The following PIBF1 variants were observed in gnomAD, a reference collection of about 807,000 sequenced individuals.
PIBF1 encodes the protein progesterone immunomodulatory binding factor 1.
PIBF1 carries 90 observed loss-of-function variants against 112.5 expected under a neutral mutation model. That is an observed-to-expected ratio of 0.80 (90% CI 0.67 to 0.95). The LOEUF is 0.95. Ranked by LOEUF, PIBF1 falls within the 40% of genes least tolerant of loss-of-function variation. The pLI is 0.00. For missense variants in PIBF1, 915 were observed against 852.3 expected, an observed-to-expected ratio of 1.07 and a Z score of -0.92; for synonymous variants, 301 against 288.6, an observed-to-expected ratio of 1.04 and a Z score of -0.44.
intron 16 of PIBF1, among the ~76,000 whole-genome samples, chr13:72,995,685 C>T (rs1443200511): frequency 6.6e-6 from 1 of 152,230 alleles, no homozygotes; most frequent in East Asian, 1.9e-4. Context: ...GGCACAGTGA[C>T]TCACGCCTGT....
intron 13 of PIBF1, among the ~76,000 whole-genome samples, chr13:72,930,839 C>G (rs933922235): frequency 2.0e-5 from 3 of 152,158 alleles, no homozygotes; most frequent in African/African-American, 7.2e-5. Context: ...AAAGTGGAGA[C>G]AAGCTGTAAA....
intron 5 of PIBF1, among the ~76,000 whole-genome samples, chr13:72,819,439 T>C (rs573442049): frequency 6.6e-6 from 1 of 152,240 alleles, no homozygotes; most frequent in South Asian, 2.1e-4. Context: ...ATTTGAATAT[T>C]GTCAAGCTTG....
At chr13:72,961,446 CAT>C (rs1383737553) in intron 14 of PIBF1, among the ~76,000 whole-genome samples, 1 of 152,006 alleles carries the variant, frequency 6.6e-6, no homozygotes, top group African/African-American at 2.4e-5. Context: ...ATCTCATGAA[CAT>C]AATTCATTTG....
At chr13:72,930,293 T>C (rs1036083364) in intron 13 of PIBF1, among the ~76,000 whole-genome samples, 9 of 152,204 alleles carry the variant, frequency 5.9e-5, no homozygotes, top group African/African-American at 2.2e-4. Flanking sequence ...TTATAAAACA[T>C]TCCATCTAGG....
At chr13:72,816,253 A>G (rs571606363) in intron 5 of PIBF1, among the ~76,000 whole-genome samples, 1 of 152,310 alleles carries the variant, frequency 6.6e-6, no homozygotes, top group African/African-American at 2.4e-5. Flanking sequence ...AGAAAAGTTG[A>G]CTTGCTAGAG....
chr13:72,805,384 C>T (rs906636642), intron 5 of PIBF1, among the ~76,000 whole-genome samples: 23 of 152,130 alleles, frequency 1.5e-4, no homozygotes, highest in East Asian at 1.9e-4. Flanking sequence ...CCTCGTCATC[C>T]GCCCGCCTTG....
chr13:73,014,243 C>A (rs2044317144), intron 17 of PIBF1, among the ~76,000 whole-genome samples: 1 of 152,068 alleles, frequency 6.6e-6, no homozygotes, highest in Non-Finnish European at 1.5e-5. Context: ...CGGTGTGAGC[C>A]ACAGCACCCA....
intron 17 of PIBF1, among the ~76,000 whole-genome samples, chr13:73,003,027 G>A (rs1423547611): frequency 7.1e-6 from 1 of 140,544 alleles, no homozygotes; most frequent in African/African-American, 2.6e-5. Context: ...TCTAAGTATG[G>A]TAGCAAACAA....
intron 5 of PIBF1, among the ~76,000 whole-genome samples, chr13:72,811,432 C>G (rs2036004315): frequency 6.6e-6 from 1 of 151,882 alleles, no homozygotes; most frequent in Non-Finnish European, 1.5e-5. Context: ...CCCATCTCTA[C>G]TAAAAATACA....
intron 13 of PIBF1, among the ~76,000 whole-genome samples, chr13:72,927,304 G>A (rs971704524): frequency 2.6e-5 from 4 of 152,110 alleles, no homozygotes; most frequent in Non-Finnish European, 4.4e-5. Context: ...AGGAGATCGA[G>A]ACCATCTGGC....
chr13:72,851,349 C>T (rs1410691908), intron 9 of PIBF1, among the ~76,000 whole-genome samples: 2 of 152,248 alleles, frequency 1.3e-5, no homozygotes, highest in Admixed American at 1.3e-4. Flanking sequence ...ACTCCCAGCA[C>T]CCACTCTGAT....
chr13:72,973,558 A>T, intron 15 of PIBF1, 33 bp from the exon 16 acceptor site: 1 of 1,085,942 alleles, frequency 9.2e-7, no homozygotes, highest in Non-Finnish European at 1.4e-6. Flanking sequence ...TACTAACATA[A>T]TGACTTTTTA....
At chr13:72,939,725 T>C (rs1174669632) in intron 14 of PIBF1, among the ~76,000 whole-genome samples, 1 of 152,214 alleles carries the variant, frequency 6.6e-6, no homozygotes, top group Non-Finnish European at 1.5e-5. Context: ...GTACCTGTTT[T>C]CATTTCTTTT....
intron 11 of PIBF1, among the ~76,000 whole-genome samples, chr13:72,907,948 G>A (rs1327334484): frequency 6.6e-6 from 1 of 151,988 alleles, no homozygotes; most frequent in Non-Finnish European, 1.5e-5. Context: ...CATGCCCTTT[G>A]CATCTCATTT....
chr13:72,817,439 G>GT (rs1468630325), intron 5 of PIBF1, among the ~76,000 whole-genome samples: 1 of 152,086 alleles, frequency 6.6e-6, no homozygotes, highest in African/African-American at 2.4e-5. Flanking sequence ...TGTTTGAAAA[G>GT]TTTACTTTTT....
chr13:72,793,364 A>G (rs180822869), intron 3 of PIBF1, among the ~76,000 whole-genome samples: 46 of 152,278 alleles, frequency 3.0e-4, no homozygotes, highest in African/African-American at 1.1e-3. Context: ...TTTATCAGCC[A>G]CTATCACACT....
intron 16 of PIBF1, among the ~76,000 whole-genome samples, chr13:72,987,895 G>T (rs866422432): frequency 9.0e-6 from 1 of 111,122 alleles, no homozygotes; most frequent in African/African-American, 3.9e-5. Flanking sequence ...GCAGAGTCTC[G>T]CTCTGTCGCC....
intron 2 of PIBF1, among the ~76,000 whole-genome samples, chr13:72,790,528 T>C (rs1359221619): frequency 3.2e-5 from 4 of 124,520 alleles, no homozygotes; most frequent in Non-Finnish European, 5.8e-5. Context: ...GATAGATAGA[T>C]AGATAGATAG....
chr13:72,992,324 AT>A (rs767215447), intron 16 of PIBF1, among the ~76,000 whole-genome samples: 42 of 152,378 alleles, frequency 2.8e-4, no homozygotes, highest in Non-Finnish European at 5.0e-4. Context: ...AATTTAAAAA[AT>A]ATTTTGAAAA....
Sources: allele counts gnomAD v4.1 joint callset (sites outside exome capture counted in the v4.1 genomes callset), GRCh38; gene constraint gnomAD v4.1.1; transcripts MANE v1.5; gene names NCBI Gene and HGNC (gene_info 2026-07-23, HGNC 2026-07-21).